STON2: variants seen among roughly 807,000 people sequenced by gnomAD.
STON2 encodes stonin-2.
STON2 carries 29 observed loss-of-function variants against 65.7 expected under a neutral mutation model. The observed-to-expected ratio is 0.44, with a 90% CI of 0.33 to 0.60. STON2 has a LOEUF of 0.60. STON2 is among the 20% of genes least tolerant of loss of function. The pLI is 0.03. For missense variants in STON2, 1,054 were observed against 1,118.1 expected (o/e 0.94, Z 0.82); for synonymous variants, 404 against 414.2 (o/e 0.98, Z 0.30).
chr14:81,336,677 C>T (rs751770118), intron 4 of STON2, among the ~76,000 whole-genome samples: 2 of 151,496 alleles, frequency 1.3e-5, no homozygotes, highest in Admixed American at 6.6e-5. Flanking sequence ...GAATCAGGAC[C>T]ACAAGCAGAA....
At chr14:81,296,478 A>G (rs1332072779) in intron 5 of STON2, among the ~76,000 whole-genome samples, 1 of 152,190 alleles carries the variant, frequency 6.6e-6, no homozygotes, top group Non-Finnish European at 1.5e-5. Flanking sequence ...CACTCTAAAA[A>G]TAGTAACCTT....
At chr14:81,416,875 A>G (rs747499680) in intron 2 of STON2, among the ~76,000 whole-genome samples, 1 of 152,206 alleles carries the variant, frequency 6.6e-6, no homozygotes, top group Non-Finnish European at 1.5e-5. Context: ...GCTCCTGCCA[A>G]CACTCTCTAT....
chr14:81,277,299 C>T lies in STON2; in HGVS notation c.2183G>A (p.Arg728Gln), dbSNP rs760033415. Reference protein sequence around the residue: ...VILFNPLDACRFELMRFRTVF... With the variant: ...VILFNPLDACQFELMRFRTVF... ...TGTCCTGAACCGCATTAGCTCAAAC[C>T]GGCACGCATCCAAAGGGTTGAACAG... Residue 728 changes from arginine (R) to glutamine (Q), a missense_variant, in exon 6 of 8, where the codon CGG (arginine) becomes CAG (glutamine). Physicochemically the swap from Arg to Gln is conservative, Grantham distance 43. Transcript: ENST00000614646. The T allele has an allele frequency of 8.1e-6, 13 of 1,614,018 alleles. No individual in the cohort carries two copies. The highest frequency in any genetic ancestry group is 6.6e-5 in the South Asian group (6 of 91,082).
At chr14:81,315,290 A>T (rs1269058399) in intron 5 of STON2, among the ~76,000 whole-genome samples, 1 of 152,130 alleles carries the variant, frequency 6.6e-6, no homozygotes, top group African/African-American at 2.4e-5. Flanking sequence ...TACAGATAAA[A>T]CCTCAATTCC....
intron 5 of STON2, among the ~76,000 whole-genome samples, chr14:81,290,745 T>G (rs188072852): frequency 6.6e-6 from 1 of 152,194 alleles, no homozygotes; most frequent in African/African-American, 2.4e-5. Flanking sequence ...AAATAGCTCA[T>G]GTATGCAGTA....
intron 5 of STON2, among the ~76,000 whole-genome samples, chr14:81,305,025 C>T (rs1032973132): frequency 2.6e-5 from 4 of 152,274 alleles, no homozygotes; most frequent in Admixed American, 6.5e-5. Flanking sequence ...CATACTGTAA[C>T]GTGCTTGTTT....
intron 1 of STON2, among the ~76,000 whole-genome samples, chr14:81,435,085 G>A (rs935699829): frequency 5.3e-5 from 8 of 152,096 alleles, no homozygotes; most frequent in Non-Finnish European, 1.0e-4. Flanking sequence ...ACTTAACAAA[G>A]TACCATGATA....
At chr14:81,317,857 G>C (rs1283840954) in intron 5 of STON2, among the ~76,000 whole-genome samples, 1 of 152,216 alleles carries the variant, frequency 6.6e-6, no homozygotes, top group Non-Finnish European at 1.5e-5. Flanking sequence ...AGAGGATACA[G>C]TGGGAATGGA....
chr14:81,270,092 CTT>C lies in STON2; in HGVS notation c.2784+576_2784+577del, dbSNP rs1427820343. ...ATAACAATTCCTTTACCCCATTACT[CTT>C]TTTCTTTTTTTGAGACACAGTCTCG... On this transcript the variant is annotated intron_variant, in intron 7 of 7. Transcript: ENST00000614646. 5 of 968,054 alleles carry C rather than the reference CTT, an allele frequency of 5.2e-6. No individual in the cohort carries two copies. The South Asian group carries it at 1.9e-4, about 37-fold the overall frequency. The allele number at this position is 968,054 out of a possible 1,614,324, so 60.0% of individuals were successfully genotyped here.
At chr14:81,421,050 T>A (rs891333724) in intron 2 of STON2, among the ~76,000 whole-genome samples, 1 of 152,144 alleles carries the variant, frequency 6.6e-6, no homozygotes, top group Non-Finnish European at 1.5e-5. Context: ...TGTTCAAGGA[T>A]GGCCTGAGAT....
chr14:81,308,195 A>G (rs1204861975), intron 5 of STON2, among the ~76,000 whole-genome samples: 1 of 152,004 alleles, frequency 6.6e-6, no homozygotes, highest in Non-Finnish European at 1.5e-5. Flanking sequence ...TCTAGCTCAG[A>G]CTCAGAAATT....
intron 5 of STON2, among the ~76,000 whole-genome samples, chr14:81,301,838 T>C (rs1268595299): frequency 1.7e-5 from 1 of 58,406 alleles, no homozygotes; most frequent in Non-Finnish European, 4.0e-5. Context: ...TTAGTCATAT[T>C]GCCCAATATA....
At chr14:81,298,367 G>C (rs1046281133) in intron 5 of STON2, among the ~76,000 whole-genome samples, 2 of 147,904 alleles carry the variant, frequency 1.4e-5, no homozygotes, top group Admixed American at 6.8e-5. Context: ...CTAGTCTGAG[G>C]GAGGCTTCCT....
chr14:81,282,566 A>T (rs1205446591), intron 5 of STON2, among the ~76,000 whole-genome samples: 1 of 152,206 alleles, frequency 6.6e-6, no homozygotes, highest in Non-Finnish European at 1.5e-5. Flanking sequence ...GTACGTATGT[A>T]TTAGAAAGCT....
chr14:81,424,244 G>C (rs1422778933), intron 2 of STON2, among the ~76,000 whole-genome samples: 1 of 152,048 alleles, frequency 6.6e-6, no homozygotes, highest in African/African-American at 2.4e-5. Flanking sequence ...AGGAGTTTGA[G>C]ACCAGCCTGG....
intron 5 of STON2, among the ~76,000 whole-genome samples, chr14:81,284,645 T>A (rs1895263500): frequency 1.3e-5 from 2 of 152,172 alleles, no homozygotes; most frequent in Non-Finnish European, 2.9e-5. Flanking sequence ...TTACCTAATA[T>A]AATTGAGGAA....
rs56269329 is a variant in STON2, at chr14:81,265,647, GTAATAATAATAATAA to G, written c.*2752_*2766del. On this transcript the variant is annotated 3_prime_UTR_variant, in exon 8 of 8. Coordinates refer to ENST00000614646, the MANE Select transcript of STON2 (RefSeq NM_001394390.1). ...GCGACAAGAGCGAAACTTTGTCTCA[GTAATAATAATAATAA>G]TAATAATAATAATACTCTGTCTCAA... is the stretch of plus-strand genomic sequence containing the variant. 10 of 364,462 alleles carry G rather than the reference GTAATAATAATAATAA, an allele frequency of 2.7e-5. 1 individual carries two copies. Among genetic ancestry groups the G allele is most frequent in the Non-Finnish European group, 3.4e-5 (9 of 265,194 alleles). The allele number at this position is 364,462 out of a possible 1,614,324, so 22.6% of individuals were successfully genotyped here. A position where few individuals can be genotyped will look rare whatever the true frequency, so the allele number is the denominator to read the frequency against.
intron 2 of STON2, among the ~76,000 whole-genome samples, chr14:81,422,263 T>C (rs1901741862): frequency 6.6e-6 from 1 of 152,184 alleles, no homozygotes; most frequent in South Asian, 2.1e-4. Context: ...CTGCGAGAAC[T>C]GAAGTTGAAA....
At position 81,262,454 on chromosome 14, in the gene STON2, C is replaced by T; in HGVS notation, c.*5960G>A. On this transcript the variant is annotated 3_prime_UTR_variant, in exon 8 of 8. Coordinates refer to ENST00000614646, the MANE Select transcript of STON2 (RefSeq NM_001394390.1). ...TTTTTACTATGCAATCTTTATTTTT[C>T]CTGGAGCTTCTTACTTTTAACTTTA... 2 of 985,294 alleles carry T rather than the reference C, an allele frequency of 2.0e-6. No individual in the cohort carries two copies. The highest frequency in any genetic ancestry group is 2.4e-6 in the Non-Finnish European group (2 of 829,814). 61.0% of individuals were successfully genotyped at this position (985,294 alleles called of 1,614,324 possible).
Sources: gnomAD v4.1 joint callset for allele counts (sites outside exome capture counted in the v4.1 genomes callset) on GRCh38, gnomAD v4.1.1 for gene constraint, MANE v1.5 for transcripts, NCBI Gene and HGNC (gene_info 2026-07-23, HGNC 2026-07-21) for gene names.